The following FAAH2 variants were observed in gnomAD, a reference collection of about 807,000 sequenced individuals.
The protein encoded by FAAH2 is fatty-acid amide hydrolase 2.
In FAAH2, 60 loss-of-function variants were observed where a neutral mutation model predicts 36.9. The observed-to-expected ratio is 1.63, with a 90% confidence interval of 1.32 to 2.02. The LOEUF is 2.02. Among genes scored for constraint, FAAH2 ranks in the 30% most tolerant of loss-of-function variants. The pLI is 0.00. For synonymous variants in FAAH2, 214 were observed against 143.8 expected (o/e 1.49, Z -3.49); for missense variants, 689 against 397.5 (o/e 1.73, Z -6.23).
intron 10 of FAAH2, 50 bp downstream of exon 10, chrX:57,448,768 T>A: frequency 4.5e-6 from 5 of 1,106,043 alleles, no homozygotes; most frequent in Non-Finnish European, 6.1e-6. Context: ...AATAGAGATG[T>A]ATGTTTCCAA....
chrX:57,386,118 C>T, intron 7 of FAAH2, among the ~76,000 whole-genome samples: 1 of 110,973 alleles, frequency 9.0e-6, no homozygotes, highest in Non-Finnish European at 1.9e-5. Context: ...AGAATTTCTT[C>T]CTATATTAAT....
chrX:57,476,713 G>C (rs893112171), intron 10 of FAAH2, among the ~76,000 whole-genome samples: 1 of 111,551 alleles, frequency 9.0e-6, no homozygotes, highest in African/African-American at 3.3e-5. Flanking sequence ...GATGCATTAA[G>C]GAGGAGGCCT....
At chrX:57,444,890 A>G (rs1361684174) in intron 8 of FAAH2, among the ~76,000 whole-genome samples, 1 of 111,649 alleles carries the variant, frequency 9.0e-6, no homozygotes, top group Non-Finnish European at 1.9e-5. Context: ...CCTTCTCTGC[A>G]TTGTCTTTAA....
At chrX:57,325,747 G>A (rs1434036069) in intron 3 of FAAH2, among the ~76,000 whole-genome samples, 2 of 61,515 alleles carry the variant, frequency 3.3e-5, no homozygotes, top group Non-Finnish European at 5.9e-5. Flanking sequence ...TATTAGTCTG[G>A]CTAGTGGTCT....
At chrX:57,383,032 C>T (rs2054900195) in intron 7 of FAAH2, among the ~76,000 whole-genome samples, 1 of 111,523 alleles carries the variant, frequency 9.0e-6, no homozygotes, top group African/African-American at 3.3e-5. Flanking sequence ...ATACGCAAAT[C>T]AATAAACGTA....
At chrX:57,165,627 A>G in the FAAH2 span, among the ~76,000 whole-genome samples, 1 of 111,359 alleles carries the variant, frequency 9.0e-6, no homozygotes, top group Non-Finnish European at 1.9e-5. Flanking sequence ...CCAGCATGGC[A>G]CATGTATACA....
chrX:57,312,455 C>T (rs1395681223), intron 3 of FAAH2, among the ~76,000 whole-genome samples: 1 of 110,972 alleles, frequency 9.0e-6, no homozygotes, highest in Non-Finnish European at 1.9e-5. Context: ...GGTGGATCAC[C>T]TGAAGTCAGG....
At chrX:57,188,341 T>C in the FAAH2 span, among the ~76,000 whole-genome samples, 1 of 111,749 alleles carries the variant, frequency 8.9e-6, no homozygotes, top group Non-Finnish European at 1.9e-5. Flanking sequence ...TTTCTAGTTA[T>C]TTGCATATAG....
At chrX:57,374,391 C>A (rs1032561099) in intron 5 of FAAH2, among the ~76,000 whole-genome samples, 3 of 111,671 alleles carry the variant, frequency 2.7e-5, no homozygotes, top group Non-Finnish European at 3.8e-5. Context: ...TTTCTTTCAG[C>A]AGTATTTTGT....
At chrX:57,362,510 G>A (rs1183334860) in intron 5 of FAAH2, among the ~76,000 whole-genome samples, 2 of 111,754 alleles carry the variant, frequency 1.8e-5, no homozygotes, top group Non-Finnish European at 3.8e-5. Flanking sequence ...GCCTTTGTCA[G>A]ATACATAGTT....
At chrX:57,235,289 A>G in the FAAH2 span, among the ~76,000 whole-genome samples, 28 of 111,558 alleles carry the variant, frequency 2.5e-4, 1 homozygote, top group Non-Finnish European at 4.9e-4. Flanking sequence ...AAAAGAAAGA[A>G]AAAAAAACCT....
At chrX:57,419,837 T>A (rs1367545111) in intron 7 of FAAH2, among the ~76,000 whole-genome samples, 1 of 111,868 alleles carries the variant, frequency 8.9e-6, no homozygotes, top group African/African-American at 3.2e-5. Flanking sequence ...TCTTCTAGGG[T>A]TTTTATGGTT....
At chrX:57,133,782 C>T in the FAAH2 span, among the ~76,000 whole-genome samples, 29 of 112,084 alleles carry the variant, frequency 2.6e-4, no homozygotes, top group East Asian at 7.6e-3. Flanking sequence ...GGGCAGCCAG[C>T]TGGTATTTGT....
At chrX:57,258,060 A>T in the FAAH2 span, among the ~76,000 whole-genome samples, 1 of 112,163 alleles carries the variant, frequency 8.9e-6, no homozygotes, top group African/African-American at 3.2e-5. Flanking sequence ...ATACAATTAT[A>T]GTAATCAAAA....
intron 3 of FAAH2, among the ~76,000 whole-genome samples, chrX:57,328,874 C>T (rs2053308218): frequency 1.8e-5 from 2 of 111,304 alleles, no homozygotes; most frequent in Non-Finnish European, 3.8e-5. Context: ...CTCTGGGGGA[C>T]TGGTATGAGG....
chrX:57,223,213 A>C, the FAAH2 span, among the ~76,000 whole-genome samples: 1 of 110,855 alleles, frequency 9.0e-6, no homozygotes, highest in South Asian at 3.9e-4. Context: ...GGGCCACCAA[A>C]CCCCGGATGA....
chrX:57,216,510 A>G, the FAAH2 span, among the ~76,000 whole-genome samples: 308 of 78,195 alleles, frequency 3.9e-3, 27 homozygotes, highest in African/African-American at 0.018. Flanking sequence ...ATGTATATAT[A>G]TATATATACG....
chrX:57,263,727 T>C, the FAAH2 span, among the ~76,000 whole-genome samples: 1 of 111,761 alleles, frequency 8.9e-6, no homozygotes, highest in African/African-American at 3.2e-5. Context: ...ATCTGTCTAT[T>C]ATACCTAAAT....
At chrX:57,474,191 G>T (rs747567556) in intron 10 of FAAH2, among the ~76,000 whole-genome samples, 9 of 111,116 alleles carry the variant, frequency 8.1e-5, no homozygotes, top group African/African-American at 2.6e-4. Flanking sequence ...CAATCTAGTG[G>T]TGATTTTTTT....
Sources: gnomAD v4.1 joint callset for allele counts (sites outside exome capture counted in the v4.1 genomes callset) on GRCh38, gnomAD v4.1.1 for gene constraint, MANE v1.5 for transcripts, NCBI Gene and HGNC (gene_info 2026-07-23, HGNC 2026-07-21) for gene names.